The following PDE9A variants were observed in gnomAD, a reference collection of about 807,000 sequenced individuals.
PDE9A encodes the protein high affinity cGMP-specific 3',5'-cyclic phosphodiesterase 9A.
In PDE9A, 60 loss-of-function variants were observed where a neutral mutation model predicts 87.4. The ratio of observed to expected loss-of-function variants is 0.69; its 90% CI spans 0.56 to 0.85. The LOEUF (loss-of-function observed/expected upper bound fraction) is 0.85. Ranked by LOEUF, PDE9A falls within the 40% of genes least tolerant of loss-of-function variation. The pLI is 0.00. For missense variants in PDE9A, 665 were observed against 779.0 expected (o/e 0.85, Z 1.74); for synonymous variants, 272 against 279.4 (o/e 0.97, Z 0.27).
At position 42,696,358 on chromosome 21, in the gene PDE9A, C is replaced by T. The variant is rs1036994037; in HGVS notation, c.219-2610C>T. 3.3e-5 allele frequency among the ~76,000 whole-genome samples: 5 copies of T among 152,290 alleles called. No homozygotes were observed. The highest frequency in any genetic ancestry group is 7.2e-5 in the African/African-American group (3 of 41,556). Reference sequence around the variant, plus strand: ...TGGAGCCCTTCTCTGCGCCTGGTCACTACCCGCCCCCCACCTCCAGCATTA... The same window carrying T: ...TGGAGCCCTTCTCTGCGCCTGGTCATTACCCGCCCCCCACCTCCAGCATTA... On this transcript the variant is annotated intron_variant, in intron 3 of 19. Transcript: ENST00000291539. The surrounding 1 kb of genome is among the most constrained non-coding windows in gnomAD (Gnocchi z 5.1).
At chr21:42,686,376 C>A (rs2059474715) in intron 2 of PDE9A, 114 bp downstream of exon 2, 2 of 792,342 alleles carry the variant, frequency 2.5e-6, no homozygotes, top group South Asian at 1.5e-5. Context: ...CGGCCTTCTA[C>A]AAGGGGCTCT....
chr21:42,769,291 AC>A (rs2147187229), intron 17 of PDE9A, 136 bp downstream of exon 17: 1 of 771,676 alleles, frequency 1.3e-6, no homozygotes, highest in African/African-American at 1.7e-5. Context: ...ACAGATACAC[AC>A]AGACGCACAT....
intron 4 of PDE9A, 106 bp downstream of exon 4, chr21:42,699,117 G>C: frequency 2.7e-6 from 2 of 750,208 alleles, no homozygotes; most frequent in Middle Eastern, 4.7e-4. Flanking sequence ...CTAAGCATTT[G>C]AAATATATAT....
chr21:42,775,019 G>A (rs1052365271), intron 19 of PDE9A, among the ~76,000 whole-genome samples: 7 of 149,570 alleles, frequency 4.7e-5, no homozygotes, highest in Non-Finnish European at 7.4e-5. Context: ...TCGGCTCACT[G>A]CAATCTCCAC....
chr21:42,698,263 G>A (rs992589021), intron 3 of PDE9A, among the ~76,000 whole-genome samples: 1 of 152,186 alleles, frequency 6.6e-6, no homozygotes, highest in African/African-American at 2.4e-5. Flanking sequence ...GTTTCCAAAT[G>A]TTGCTAAACT....
chr21:42,717,922 T>TTTGTTTGG (rs1369484177), intron 4 of PDE9A, among the ~76,000 whole-genome samples: 5 of 111,896 alleles, frequency 4.5e-5, no homozygotes, highest in Admixed American at 3.4e-4. Flanking sequence ...TGTTTGTTTG[T>TTTGTTTGG]TTTGTTTTGT....
At chr21:42,749,948 GC>G (rs199584239) in intron 8 of PDE9A, among the ~76,000 whole-genome samples, 1 of 152,148 alleles carries the variant, frequency 6.6e-6, no homozygotes, top group South Asian at 2.1e-4. Flanking sequence ...GACCAGCCTG[GC>G]CAACATGGTG....
At chr21:42,689,148 C>G (rs1268592711) in intron 3 of PDE9A, among the ~76,000 whole-genome samples, 1 of 151,302 alleles carries the variant, frequency 6.6e-6, no homozygotes, top group African/African-American at 2.4e-5. Flanking sequence ...GCGCCGCCCC[C>G]CTCAGTGAGG....
intron 7 of PDE9A, among the ~76,000 whole-genome samples, 166 bp from the exon 8 acceptor site, chr21:42,743,610 A>G (rs1167808954): frequency 6.6e-6 from 1 of 152,164 alleles, no homozygotes; most frequent in Non-Finnish European, 1.5e-5. Flanking sequence ...CTAAGCGCGG[A>G]AGTGCAGGCA....
chr21:42,653,702 C>G lies in PDE9A; in HGVS notation c.-113C>G, dbSNP rs961770541. 2 of 306,426 alleles carry G rather than the reference C, an allele frequency of 6.5e-6. No homozygotes were observed. The highest frequency in any genetic ancestry group is 4.6e-5 in the African/African-American group (2 of 43,158). 19.0% of individuals were successfully genotyped at this position (306,426 alleles called of 1,614,324 possible). A position where few individuals can be genotyped will look rare whatever the true frequency, so the allele number is the denominator to read the frequency against. ...GGCGGCGCGGCTGTGGTTGGCTGAG[C>G]GCCGCGGGCCGCCCCCCGCCCGCCC... is the stretch of plus-strand genomic sequence containing the variant. On this transcript the variant is annotated 5_prime_UTR_variant, in exon 1 of 20. Transcript: ENST00000291539.
intron 17 of PDE9A, 115 bp downstream of exon 17, chr21:42,769,270 CACACACGT>C (rs1346383423): frequency 1.1e-6 from 1 of 917,294 alleles, no homozygotes; most frequent in African/African-American, 1.6e-5. Flanking sequence ...CACACTCATG[CACACACGT>C]ACACAGATAC....
intron 1 of PDE9A, among the ~76,000 whole-genome samples, chr21:42,679,656 G>A (rs1020467492): frequency 1.3e-5 from 2 of 152,028 alleles, no homozygotes; most frequent in South Asian, 2.1e-4. Flanking sequence ...ACAACCTCCC[G>A]ATAAGCCTTT....
At chr21:42,680,847 T>C (rs1336633112) in intron 1 of PDE9A, among the ~76,000 whole-genome samples, 1 of 152,200 alleles carries the variant, frequency 6.6e-6, no homozygotes, top group Non-Finnish European at 1.5e-5. Flanking sequence ...GAGCCAGGTG[T>C]TCGTTCTTCC....
chr21:42,655,357 G>T (rs954209841), intron 1 of PDE9A, among the ~76,000 whole-genome samples: 1 of 152,204 alleles, frequency 6.6e-6, no homozygotes, highest in Admixed American at 6.5e-5. Context: ...AAGATGTCCC[G>T]GGAGCAGCTC....
chr21:42,751,452 C>G (rs900164055), intron 9 of PDE9A, among the ~76,000 whole-genome samples: 5 of 152,134 alleles, frequency 3.3e-5, no homozygotes, highest in African/African-American at 1.2e-4. Context: ...TGCCCGGCCC[C>G]GGGAGCTGAC....
At chr21:42,743,385 T>G (rs1032789377) in intron 7 of PDE9A, among the ~76,000 whole-genome samples, 1 of 152,258 alleles carries the variant, frequency 6.6e-6, no homozygotes, top group African/African-American at 2.4e-5. Context: ...TGGCACCACA[T>G]GTGCCCCCTT....
chr21:42,661,034 A>ATTTTTTT (rs34710059), intron 1 of PDE9A, among the ~76,000 whole-genome samples: 2 of 144,566 alleles, frequency 1.4e-5, no homozygotes, highest in Non-Finnish European at 1.5e-5. Flanking sequence ...TTCTCTGCCA[A>ATTTTTTT]TTTTTTTTTT....
chr21:42,674,045 C>T (rs372396570), intron 1 of PDE9A, among the ~76,000 whole-genome samples: 66 of 152,290 alleles, frequency 4.3e-4, no homozygotes, highest in South Asian at 1.5e-3. Flanking sequence ...CATATAGAAA[C>T]GAAGAAACGA....
chr21:42,686,150 C>T lies in PDE9A; in HGVS notation c.70-42C>T, dbSNP rs372988970. 1.5e-4 allele frequency: 225 copies of T among 1,530,162 alleles called. No homozygotes were observed. In the African/African-American group the frequency reaches 2.7e-3, roughly 19 times the overall value. The allele number at this position is 1,530,162 out of a possible 1,614,324, so 94.8% of individuals were successfully genotyped here. A position where few individuals can be genotyped will look rare whatever the true frequency, so the allele number is the denominator to read the frequency against. On this transcript the variant is annotated intron_variant, in intron 1 of 19. Transcript: ENST00000291539. ...TGGCGTCTGACGTCTCCAGGGAGACCCGCCGCCCTCGCTGCCGCCTCACCG... is the reference window on the plus strand; with the variant it reads ...TGGCGTCTGACGTCTCCAGGGAGACTCGCCGCCCTCGCTGCCGCCTCACCG...
Sources: allele counts gnomAD v4.1 joint callset (sites outside exome capture counted in the v4.1 genomes callset), GRCh38; gene constraint gnomAD v4.1.1; non-coding constraint Gnocchi (gnomAD v3.1); transcripts MANE v1.5; gene names NCBI Gene and HGNC (gene_info 2026-07-23, HGNC 2026-07-21).